NAALADL2: variants seen among roughly 807,000 people sequenced by gnomAD.
NAALADL2 encodes the protein inactive N-acetylated-alpha-linked acidic dipeptidase-like protein 2.
In NAALADL2, 76 loss-of-function variants were observed where a neutral mutation model predicts 87.2. The observed-to-expected ratio is 0.87, with a 90% CI of 0.72 to 1.05. The LOEUF (loss-of-function observed/expected upper bound fraction) is 1.05, where lower values mean the gene tolerates loss of function less well. Among genes scored for constraint, NAALADL2 ranks in the 50% least tolerant of loss-of-function variants. NAALADL2 has a pLI of 0.00. For missense variants in NAALADL2, 1,089 were observed against 945.8 expected, an observed-to-expected ratio of 1.15 and a Z score of -1.99; for synonymous variants, 354 against 331.0, an observed-to-expected ratio of 1.07 and a Z score of -0.75.
intron 13 of NAALADL2, among the ~76,000 whole-genome samples, chr3:175,801,600 C>T (rs1754155236): frequency 6.6e-6 from 1 of 152,058 alleles, no homozygotes; most frequent in Admixed American, 6.6e-5. Context: ...TTTCAAGATG[C>T]AATTTAAATA....
rs1712772589 is a variant in NAALADL2, at chr3:174,556,016, CGTGA to C, written c.-115+5383_-115+5386del. On this transcript the variant is annotated intron_variant, in intron 2 of 3. Transcript: ENST00000434257. ...GTGTGTGTGTGTGTGTGTGCGCGCA[CGTGA>C]GTGTGTTTCTTCTAGTACTATCTAT... Among the ~76,000 whole-genome samples the C allele has an allele frequency of 6.0e-5, 9 of 149,258 alleles. No homozygotes were observed. In the South Asian group the frequency reaches 6.4e-4, roughly 11 times the overall value.
At chr3:175,065,970 G>A (rs908558721) in intron 1 of NAALADL2, among the ~76,000 whole-genome samples, 7 of 152,288 alleles carry the variant, frequency 4.6e-5, no homozygotes, top group African/African-American at 1.7e-4. Context: ...TTGCCATCAA[G>A]CTCCAGATAT....
chr3:174,850,535 A>G (rs1170036351), intron 3 of NAALADL2, among the ~76,000 whole-genome samples: 3 of 152,196 alleles, frequency 2.0e-5, no homozygotes, highest in Non-Finnish European at 2.9e-5. Context: ...AAAATATCAT[A>G]TAATGATAAA....
intron 10 of NAALADL2, among the ~76,000 whole-genome samples, chr3:175,576,507 G>A (rs1438868455): frequency 6.6e-6 from 1 of 152,190 alleles, no homozygotes; most frequent in Non-Finnish European, 1.5e-5. Context: ...AGAAACAGAT[G>A]ACATGTGCAA....
chr3:175,216,178 A>G (rs1233708851), intron 2 of NAALADL2, among the ~76,000 whole-genome samples: 5 of 152,196 alleles, frequency 3.3e-5, no homozygotes, highest in Non-Finnish European at 5.9e-5. Context: ...AAATGCACAC[A>G]TAAGAAAAAA....
chr3:174,576,909 A>G (rs752072656), intron 2 of NAALADL2, among the ~76,000 whole-genome samples: 10 of 152,204 alleles, frequency 6.6e-5, no homozygotes, highest in Non-Finnish European at 1.5e-5. Context: ...TTAATCTGGA[A>G]GTGTATAATG....
chr3:174,801,380 A>G (rs1039263212), intron 3 of NAALADL2, among the ~76,000 whole-genome samples: 18 of 152,194 alleles, frequency 1.2e-4, no homozygotes, highest in Admixed American at 1.1e-3. Context: ...GCTGCCATCC[A>G]TGTAAGATGT....
intron 2 of NAALADL2, among the ~76,000 whole-genome samples, chr3:174,692,544 C>A (rs897051707): frequency 1.1e-4 from 17 of 152,042 alleles, no homozygotes; most frequent in African/African-American, 4.1e-4. Flanking sequence ...GAGTGCTGCT[C>A]ATTCCTCATG....
chr3:175,000,428 G>A (rs1442725053), intron 1 of NAALADL2, among the ~76,000 whole-genome samples: 1 of 152,130 alleles, frequency 6.6e-6, no homozygotes, highest in Non-Finnish European at 1.5e-5. Flanking sequence ...TACAATTTCT[G>A]TCACGAGTAC....
chr3:175,584,069 G>T (rs1168910919), intron 10 of NAALADL2, among the ~76,000 whole-genome samples: 5 of 149,932 alleles, frequency 3.3e-5, no homozygotes. Flanking sequence ...ATGGAGTCTG[G>T]GTCTGTCACC....
At chr3:174,528,287 G>T (rs775603835) in intron 1 of NAALADL2, among the ~76,000 whole-genome samples, 7 of 152,014 alleles carry the variant, frequency 4.6e-5, no homozygotes, top group Non-Finnish European at 1.0e-4. Context: ...AACTTTCATA[G>T]TGTGCATAGC....
intron 11 of NAALADL2, among the ~76,000 whole-genome samples, chr3:175,667,951 C>T (rs1733432643): frequency 1.3e-5 from 2 of 151,872 alleles, no homozygotes; most frequent in African/African-American, 4.8e-5. Context: ...ATTCACTGGG[C>T]ACTCACTGCA....
intron 11 of NAALADL2, among the ~76,000 whole-genome samples, chr3:175,696,303 C>T (rs1737789971): frequency 6.6e-6 from 1 of 152,022 alleles, no homozygotes; most frequent in Non-Finnish European, 1.5e-5. Context: ...AAAGATGAAG[C>T]ATACATGGCA....
intron 2 of NAALADL2, among the ~76,000 whole-genome samples, chr3:174,694,234 G>T (rs1728829275): frequency 6.6e-6 from 1 of 151,994 alleles, no homozygotes; most frequent in Non-Finnish European, 1.5e-5. Flanking sequence ...CACATAGAGA[G>T]AATAAAATTG....
chr3:175,258,812 T>C (rs891270290), intron 4 of NAALADL2, among the ~76,000 whole-genome samples: 1 of 151,930 alleles, frequency 6.6e-6, no homozygotes. Flanking sequence ...AAGAGATGGG[T>C]TTACTAAGCA....
intron 2 of NAALADL2, among the ~76,000 whole-genome samples, chr3:174,622,004 C>G (rs1304383254): frequency 1.3e-5 from 2 of 152,102 alleles, no homozygotes; most frequent in Non-Finnish European, 2.9e-5. Context: ...AGCCATCACA[C>G]TCAGATTGGA....
intron 1 of NAALADL2, among the ~76,000 whole-genome samples, chr3:175,025,900 C>G (rs1330679509): frequency 6.6e-6 from 1 of 152,132 alleles, no homozygotes; most frequent in Non-Finnish European, 1.5e-5. Context: ...GCCTCCACCT[C>G]TCAGGCTCAA....
chr3:174,836,555 G>A (rs111384779), intron 3 of NAALADL2, among the ~76,000 whole-genome samples: 24,711 of 151,524 alleles, frequency 0.16, 2,376 homozygotes, highest in African/African-American at 0.26. Flanking sequence ...CAACAACAAA[G>A]AAAATTAGCT....
chr3:174,555,960 G>A (rs1712742035), intron 2 of NAALADL2, among the ~76,000 whole-genome samples: 1 of 149,960 alleles, frequency 6.7e-6, no homozygotes, highest in Non-Finnish European at 1.5e-5. Flanking sequence ...TGCTTAGAGA[G>A]AAGCCTTATC....
Sources: allele counts gnomAD v4.1 joint callset (sites outside exome capture counted in the v4.1 genomes callset), GRCh38; gene constraint gnomAD v4.1.1; transcripts MANE v1.5; gene names NCBI Gene and HGNC (gene_info 2026-07-23, HGNC 2026-07-21).